The following EPHA4 variants were observed in gnomAD, a reference collection of about 807,000 sequenced individuals.
EPHA4 encodes ephrin type-A receptor 4.
In EPHA4, 19 loss-of-function variants were observed where a neutral mutation model predicts 108.3. The ratio of observed to expected loss-of-function variants is 0.18; its 90% CI spans 0.12 to 0.26. The LOEUF (loss-of-function observed/expected upper bound fraction) is 0.26. Ranked by LOEUF, EPHA4 falls within the 10% of genes least tolerant of loss-of-function variation. The pLI is 1.00. For synonymous variants in EPHA4, 449 were observed against 455.5 expected (o/e 0.99, Z 0.18); for missense variants, 917 against 1,254.0 (o/e 0.73, Z 4.06).
intron 3 of EPHA4, among the ~76,000 whole-genome samples, chr2:221,528,905 C>T (rs1336313335): frequency 6.6e-6 from 1 of 152,184 alleles, no homozygotes; most frequent in Non-Finnish European, 1.5e-5. Context: ...TACTCTCTAA[C>T]ACAACCAGAT....
intron 5 of EPHA4, among the ~76,000 whole-genome samples, chr2:221,466,938 C>A (rs1234027107): frequency 6.6e-6 from 1 of 152,156 alleles, no homozygotes; most frequent in Non-Finnish European, 1.5e-5. Context: ...TGTTTTCCCA[C>A]AGCAGTAGCG....
At chr2:221,494,366 G>A (rs1692243169) in intron 4 of EPHA4, among the ~76,000 whole-genome samples, 1 of 152,228 alleles carries the variant, frequency 6.6e-6, no homozygotes, top group Non-Finnish European at 1.5e-5. Flanking sequence ...CACTCTGGGA[G>A]GCCTAGGCGG....
At chr2:221,497,487 C>A (rs1271367948) in intron 4 of EPHA4, among the ~76,000 whole-genome samples, 4 of 152,132 alleles carry the variant, frequency 2.6e-5, no homozygotes, top group Non-Finnish European at 4.4e-5. Context: ...GCCTGTAATC[C>A]CAGCACTTTG....
chr2:221,488,997 C>T (rs572912299), intron 4 of EPHA4, among the ~76,000 whole-genome samples: 15 of 152,204 alleles, frequency 9.9e-5, no homozygotes, highest in Non-Finnish European at 1.9e-4. Flanking sequence ...TAGGACAAGC[C>T]AGTATTTACA....
intron 3 of EPHA4, among the ~76,000 whole-genome samples, chr2:221,538,536 C>T (rs574769543): frequency 1.3e-5 from 2 of 152,164 alleles, no homozygotes; most frequent in African/African-American, 4.8e-5. Flanking sequence ...TTTTCTCCCC[C>T]AAAAGAAAGA....
At chr2:221,472,540 C>G (rs1691519527) in intron 5 of EPHA4, among the ~76,000 whole-genome samples, 1 of 152,052 alleles carries the variant, frequency 6.6e-6, no homozygotes, top group Non-Finnish European at 1.5e-5. Context: ...TTTGTATGCA[C>G]ATGTCACAGA....
chr2:221,564,175 A>C lies in EPHA4; in HGVS notation c.379T>G (p.Tyr127Asp). The C allele has an allele frequency of 6.2e-7, 1 of 1,614,118 alleles. No individual in the cohort carries two copies. The highest frequency in any genetic ancestry group is 8.5e-7 in the Non-Finnish European group (1 of 1,179,994). Residue 127 changes from tyrosine (Y) to aspartate (D), a missense_variant, in exon 3 of 18, where the codon TAT becomes GAT. By Grantham distance (160) the Tyr-to-Asp change is radical. This residue lies in a region of EPHA4 where 758 missense variants were observed against 1,076.7 expected (regional missense o/e 0.70). Coordinates refer to ENST00000281821, the MANE Select transcript of EPHA4 (RefSeq NM_004438.5). The stretch of plus-strand genomic sequence containing the variant: ...CGCTCTTTGTCGTTGTCTGATTCAT[A>C]GTAGTACAGGTTAAACGTCTCCTTG... ...TCKETFNLYY[Y>D]ESDNDKERFI...
intron 2 of EPHA4, among the ~76,000 whole-genome samples, chr2:221,566,840 AG>A: frequency 2.2e-5 from 1 of 45,808 alleles, no homozygotes; most frequent in Non-Finnish European, 3.5e-5. Flanking sequence ...AAGGAGAAGA[AG>A]GAGAAGGAGA....
chr2:221,522,989 C>T (rs919426749), intron 3 of EPHA4, among the ~76,000 whole-genome samples: 23 of 152,164 alleles, frequency 1.5e-4, no homozygotes, highest in South Asian at 6.2e-4. Context: ...TCTCGAATTC[C>T]TGACCTCAGG....
intron 14 of EPHA4, among the ~76,000 whole-genome samples, chr2:221,433,119 C>T (rs6746605): frequency 0.053 from 8,089 of 152,150 alleles, 285 homozygotes; most frequent in Non-Finnish European, 0.08. Flanking sequence ...CCACAGGGCC[C>T]GGCCTGCATT....
At chr2:221,490,183 G>T (rs1692098897) in intron 4 of EPHA4, among the ~76,000 whole-genome samples, 2 of 142,442 alleles carry the variant, frequency 1.4e-5, no homozygotes, top group Non-Finnish European at 1.5e-5. Flanking sequence ...TAGCACTTTT[G>T]TATGTCACAA....
At chr2:221,536,358 T>A (rs1693668387) in intron 3 of EPHA4, among the ~76,000 whole-genome samples, 1 of 152,184 alleles carries the variant, frequency 6.6e-6, no homozygotes, top group South Asian at 2.1e-4. Flanking sequence ...GGGCTTTAAA[T>A]GAGAAATGGT....
intron 3 of EPHA4, among the ~76,000 whole-genome samples, chr2:221,535,573 A>C (rs1693644474): frequency 6.6e-6 from 1 of 151,890 alleles, no homozygotes; most frequent in Admixed American, 6.5e-5. Flanking sequence ...AATCAAAGGC[A>C]CTTCTTTTTT....
In EPHA4 at chr2:221,429,636, G is replaced by A. The variant is rs572303904; in HGVS notation, c.2690+322C>T. On this transcript the variant is annotated intron_variant, in intron 15 of 17. Coordinates refer to ENST00000281821, the MANE Select transcript of EPHA4 (RefSeq NM_004438.5). ...AAATATAGCACCTACTGATCTGAAC[G>A]TCTTCTAAAAGTACATTTCACCCCT... 3.9e-5 allele frequency among the ~76,000 whole-genome samples: 6 copies of A among 152,152 alleles called. No individual in the cohort carries two copies. The East Asian group carries it at 9.7e-4, about 25-fold the overall frequency.
rs77136170 is a variant in EPHA4 at position 221,517,571 on chromosome 2, G to A, written c.824-16399C>T. On this transcript the variant is annotated intron_variant, in intron 3 of 17. Transcript: ENST00000281821. ...GGACCAGGGTGGAGGAGGGCGAGCC[G>A]GGAGTCGAGAGTTCCAAGTAAGTGA... 5.7e-4 allele frequency among the ~76,000 whole-genome samples: 87 copies of A among 152,106 alleles called. No individual in the cohort carries two copies. In the East Asian group the frequency reaches 9.7e-3, roughly 17 times the overall value.
At chr2:221,480,742 A>G (rs1691793528) in intron 5 of EPHA4, among the ~76,000 whole-genome samples, 3 of 152,224 alleles carry the variant, frequency 2.0e-5, no homozygotes, top group Admixed American at 2.0e-4. Flanking sequence ...GCAGAGCTGA[A>G]GATACATTCC....
intron 8 of EPHA4, among the ~76,000 whole-genome samples, chr2:221,453,349 T>C (rs1690841943): frequency 6.6e-6 from 1 of 152,194 alleles, no homozygotes; most frequent in Non-Finnish European, 1.5e-5. Flanking sequence ...TATGTAATTA[T>C]AAAATCAAAA....
At position 221,536,977 on chromosome 2, in the gene EPHA4, G is replaced by A. The variant is rs188859151; in HGVS notation, c.823+26754C>T. 2.0e-3 allele frequency among the ~76,000 whole-genome samples: 307 copies of A among 152,280 alleles called. 1 individual carries two copies. Among genetic ancestry groups the A allele is most frequent in the African/African-American group, 6.7e-3 (277 of 41,550 alleles). On this transcript the variant is annotated intron_variant, in intron 3 of 17. Coordinates refer to ENST00000281821, the MANE Select transcript of EPHA4 (RefSeq NM_004438.5). ...AGTTCTCATCAGGTAAATACATAGC[G>A]ACCTTAACATAAATTATTTTAAATT...
chr2:221,513,310 G>A (rs911682722), intron 3 of EPHA4, among the ~76,000 whole-genome samples: 15 of 152,250 alleles, frequency 9.9e-5, no homozygotes, highest in South Asian at 6.3e-4. Context: ...GCCTGGGAAC[G>A]AATGAAATAT....
Sources: gnomAD v4.1 joint callset for allele counts (sites outside exome capture counted in the v4.1 genomes callset) on GRCh38, gnomAD v4.1.1 for gene constraint, gnomAD v4.1.1 regional missense constraint, MANE v1.5 for transcripts, NCBI Gene and HGNC (gene_info 2026-07-23, HGNC 2026-07-21) for gene names.